METAP1: variants seen among roughly 807,000 people sequenced by gnomAD.
The protein encoded by METAP1 is methionyl aminopeptidase 1.
Under a neutral mutation model 53.8 loss-of-function variants are expected in METAP1, and 28 were observed. The observed-to-expected ratio is 0.52, with a 90% CI of 0.39 to 0.71. METAP1 has a LOEUF of 0.71. METAP1 is among the 30% of genes least tolerant of loss of function. METAP1 has a pLI of 0.00. For missense variants in METAP1, 389 were observed against 479.8 expected (o/e 0.81, Z 1.77); for synonymous variants, 181 against 165.7 (o/e 1.09, Z -0.71).
At position 98,995,835 on chromosome 4, in the gene METAP1, C is replaced by T; in HGVS notation, c.82C>T (p.Leu28=). 1.3e-6 allele frequency: 2 copies of T among 1,543,314 alleles called. No homozygotes were observed. The highest frequency in any genetic ancestry group is 2.5e-5 in the East Asian group (1 of 39,714). The change falls in exon 1 of 11, where the codon CTG becomes TTG. Residue 28 remains leucine (L), a synonymous_variant. Transcript: ENST00000296411. ...GCTCCAGTGTCCCACTTGCATCAAGCTGGGCATCCAGGGCTCGTACTTCTG... is the reference window on the plus strand; with the variant it reads ...GCTCCAGTGTCCCACTTGCATCAAGTTGGGCATCCAGGGCTCGTACTTCTG... The part of the protein sequence containing the change: ...AKLQCPTCIK[L]GIQGSYFCSQ...
chr4:99,028,036 C>T lies in METAP1; in HGVS notation c.115-831C>T, dbSNP rs138042802. Among the ~76,000 whole-genome samples, 1,112 of 151,864 alleles carry T rather than the reference C, an allele frequency of 7.3e-3. 16 individuals are homozygous for T. The highest frequency in any genetic ancestry group is 0.026 in the African/African-American group (1,072 of 41,398). ...ACTAGTTTTATGTCTACAAAGATAACACATTTGTAAGACTTTGTGAATTCT... is the reference window on the plus strand; with the variant it reads ...ACTAGTTTTATGTCTACAAAGATAATACATTTGTAAGACTTTGTGAATTCT... On this transcript the variant is annotated intron_variant, in intron 1 of 10. Transcript: ENST00000296411.
chr4:99,031,487 T>A (rs1300790844), intron 2 of METAP1: 50 of 1,285,942 alleles, frequency 3.9e-5, no homozygotes, highest in Non-Finnish European at 4.9e-5. Flanking sequence ...CACACTAGTG[T>A]GCCTGATTTT....
chr4:99,001,929 T>C (rs1040132759), intron 1 of METAP1, among the ~76,000 whole-genome samples: 3 of 152,146 alleles, frequency 2.0e-5, no homozygotes, highest in South Asian at 2.1e-4. Context: ...ACAGTAGAAT[T>C]TGTAAAACAA....
At chr4:99,057,297 A>G (rs1258456562) in intron 9 of METAP1, among the ~76,000 whole-genome samples, 2 of 152,252 alleles carry the variant, frequency 1.3e-5, no homozygotes, top group South Asian at 4.1e-4. Context: ...GTGCAAACAC[A>G]TGCTTACCCC....
At chr4:99,005,202 C>A (rs1482625364) in intron 1 of METAP1, among the ~76,000 whole-genome samples, 1 of 152,036 alleles carries the variant, frequency 6.6e-6, no homozygotes, top group Non-Finnish European at 1.5e-5. Flanking sequence ...AAACAGACAA[C>A]CTGTAGGGAG....
intron 10 of METAP1, among the ~76,000 whole-genome samples, chr4:99,059,309 A>ATTT (rs1322787375): frequency 3.0e-4 from 45 of 152,362 alleles, no homozygotes; most frequent in African/African-American, 9.9e-4. Flanking sequence ...TCAGATCACA[A>ATTT]TAAAATTACA....
chr4:99,045,069 T>C (rs952221314), intron 7 of METAP1, 110 bp from the exon 8 acceptor site: 9 of 1,105,742 alleles, frequency 8.1e-6, no homozygotes, highest in East Asian at 5.3e-5. Context: ...AATTTGAGAA[T>C]GCAGAAGTTG....
rs776332167 is a variant in METAP1 at position 99,043,390 on chromosome 4, A to G, written c.655+3A>G. 18 of 1,584,872 alleles carry G rather than the reference A, an allele frequency of 1.1e-5. No individual in the cohort carries two copies. In the South Asian group the frequency reaches 2.0e-4, roughly 17 times the overall value. On this transcript the variant is annotated splice_donor_region_variant and intron_variant, in intron 7 of 10. Transcript: ENST00000296411. ...ACAAGAAGGTGACATTGTTAATGGT[A>G]AGAAAAATATGTTACTTTCATCACC...
At chr4:99,036,890 A>G (rs1725460431) in intron 4 of METAP1, among the ~76,000 whole-genome samples, 1 of 152,100 alleles carries the variant, frequency 6.6e-6, no homozygotes, top group African/African-American at 2.4e-5. Flanking sequence ...TACATTTTTG[A>G]TTTTGAGAGA....
chr4:99,020,064 A>G (rs1723997323), intron 1 of METAP1, among the ~76,000 whole-genome samples: 1 of 152,188 alleles, frequency 6.6e-6, no homozygotes. Flanking sequence ...AGGAAATGTA[A>G]CATCCGCTGC....
At chr4:99,020,015 G>GC (rs1560703124) in intron 1 of METAP1, among the ~76,000 whole-genome samples, 1 of 151,926 alleles carries the variant, frequency 6.6e-6, no homozygotes, top group Non-Finnish European at 1.5e-5. Flanking sequence ...TATTCTTCTG[G>GC]TGAGCAGCAT....
chr4:99,028,236 C>T (rs923325400), intron 1 of METAP1, among the ~76,000 whole-genome samples: 1 of 152,148 alleles, frequency 6.6e-6, no homozygotes, highest in African/African-American at 2.4e-5. Flanking sequence ...TTTGCCACTT[C>T]TTACTAGTGT....
intron 7 of METAP1, among the ~76,000 whole-genome samples, chr4:99,044,423 AGG>A (rs1238972873): frequency 1.3e-5 from 2 of 152,186 alleles, no homozygotes; most frequent in Non-Finnish European, 1.5e-5. Flanking sequence ...TGCTTTAGTT[AGG>A]GTATCTGTTC....
chr4:99,041,829 C>T (rs1326117952), intron 6 of METAP1, among the ~76,000 whole-genome samples: 2 of 150,810 alleles, frequency 1.3e-5, no homozygotes, highest in East Asian at 2.0e-4. Context: ...TTGGAAGAAC[C>T]CTTTTGGAAG....
At chr4:99,022,798 G>A (rs1579269937) in intron 1 of METAP1, 1 of 1,597,694 alleles carries the variant, frequency 6.3e-7, no homozygotes, top group East Asian at 2.3e-5. Context: ...GCTTGTCACG[G>A]AACTCCACCC....
Position 99,041,142 on chromosome 4 carries a change from TTTTAC to T in METAP1, c.516+20_516+24del, listed in dbSNP as rs769646657. On this transcript the variant is annotated intron_variant, in intron 6 of 10. Transcript: ENST00000296411. ...TGTACACTTAGTAAGAACTTCACTT[TTTTAC>T]TTTGAGTAATTTTGTTACATTACTA... 1.9e-5 allele frequency: 29 copies of T among 1,529,762 alleles called. No individual in the cohort carries two copies. The Middle Eastern group carries it at 5.1e-4, about 27-fold the overall frequency. 94.8% of individuals were successfully genotyped at this position (1,529,762 alleles called of 1,614,324 possible).
chr4:99,015,932 T>C (rs1723735954), intron 1 of METAP1, among the ~76,000 whole-genome samples: 1 of 152,182 alleles, frequency 6.6e-6, no homozygotes, highest in Non-Finnish European at 1.5e-5. Context: ...AATCCAGGAT[T>C]CTGAGGGTGT....
intron 1 of METAP1, chr4:99,022,693 G>T: frequency 7.0e-7 from 1 of 1,419,300 alleles, no homozygotes; most frequent in Non-Finnish European, 9.8e-7. Context: ...AATGGTGCAA[G>T]TACTTGAGAT....
chr4:99,018,303 T>A, intron 1 of METAP1, among the ~76,000 whole-genome samples: 1 of 152,318 alleles, frequency 6.6e-6, no homozygotes. Context: ...TCCCTTAGAG[T>A]ATAAATGATT....
Sources: allele counts gnomAD v4.1 joint callset (sites outside exome capture counted in the v4.1 genomes callset), GRCh38; gene constraint gnomAD v4.1.1; transcripts MANE v1.5; gene names NCBI Gene and HGNC (gene_info 2026-07-23, HGNC 2026-07-21).